Variants in TMEM245 observed in about 807,000 individuals in gnomAD.
TMEM245 encodes the protein protein CG-2.
TMEM245 carries 69 observed loss-of-function variants against 101.2 expected under a neutral mutation model. The observed-to-expected ratio is 0.68, with a 90% CI of 0.56 to 0.83. The LOEUF (loss-of-function observed/expected upper bound fraction) is 0.83, where lower values mean the gene tolerates loss of function less well. Among genes scored for constraint, TMEM245 ranks in the 40% least tolerant of loss-of-function variants. The probability of loss-of-function intolerance (pLI) is 0.00; values close to 1 mark genes in which losing one functional copy is unlikely to be tolerated. For synonymous variants in TMEM245, 537 were observed against 449.8 expected (o/e 1.19, Z -2.45); for missense variants, 1,075 against 1,092.8 (o/e 0.98, Z 0.23).
chr9:109,031,675 G>A (rs917027981), intron 17 of TMEM245, among the ~76,000 whole-genome samples: 1 of 152,150 alleles, frequency 6.6e-6, no homozygotes, highest in African/African-American at 2.4e-5. Context: ...CTTGATATGA[G>A]TAGTGGTTAC....
At chr9:109,062,333 G>A (rs1829041348) in intron 10 of TMEM245, among the ~76,000 whole-genome samples, 2 of 152,112 alleles carry the variant, frequency 1.3e-5, no homozygotes, top group South Asian at 4.1e-4. Context: ...CTATGCATTG[G>A]TAAACTGACT....
rs543890392 is a variant in TMEM245, at chr9:109,096,335, G to A, written c.800-2744C>T. ...CTACTAAAAACACAAAAATTAGCTG[G>A]GCATGGTGGCACACGCCTGTAATCC... On this transcript the variant is annotated intron_variant, in intron 3 of 17. Transcript: ENST00000374586. Among the ~76,000 whole-genome samples the A allele has an allele frequency of 2.1e-3, 317 of 152,234 alleles. 1 individual carries two copies. Among genetic ancestry groups the A allele is most frequent in the Middle Eastern group, 6.8e-3 (2 of 294 alleles).
At chr9:109,025,841 G>A (rs1303714638) in intron 17 of TMEM245, among the ~76,000 whole-genome samples, 1 of 152,222 alleles carries the variant, frequency 6.6e-6, no homozygotes, top group African/African-American at 2.4e-5. Context: ...CAAAATAGTT[G>A]GGAGCCCAAA....
intron 1 of TMEM245, among the ~76,000 whole-genome samples, chr9:109,108,801 CA>C (rs1588081394): frequency 6.6e-6 from 1 of 152,004 alleles, no homozygotes; most frequent in East Asian, 1.9e-4. Flanking sequence ...AGTTGTTTAA[CA>C]AAAGATACAT....
At chr9:109,044,795 T>A (rs1289031815) in intron 14 of TMEM245, among the ~76,000 whole-genome samples, 1 of 148,148 alleles carries the variant, frequency 6.8e-6, no homozygotes, top group Non-Finnish European at 1.5e-5. Flanking sequence ...AGAGTCTCAC[T>A]GTCGCCCAGG....
In TMEM245 at chr9:109,017,732, TCTGA is replaced by T. The variant is rs1827491720; in HGVS notation, c.*2724_*2727del. On this transcript the variant is annotated 3_prime_UTR_variant, in exon 18 of 18. Coordinates refer to ENST00000374586, the MANE Select transcript of TMEM245 (RefSeq NM_032012.4). Reference sequence around the variant, plus strand: ...GAAACTTCCTCTTTCTGGGTCAAATTCTGACTGAGAATGTAAAGGTAGGTTATCT... The same window carrying T: ...GAAACTTCCTCTTTCTGGGTCAAATTCTGAGAATGTAAAGGTAGGTTATCT... 1 of 152,240 alleles carries T rather than the reference TCTGA, an allele frequency of 6.6e-6. No individual in the cohort carries two copies. The highest frequency in any genetic ancestry group is 2.4e-5 in the African/African-American group (1 of 41,460). 9.4% of individuals were successfully genotyped at this position (152,240 alleles called of 1,614,324 possible).
chr9:109,025,727 T>C (rs1827772755), intron 17 of TMEM245, among the ~76,000 whole-genome samples: 1 of 147,814 alleles, frequency 6.8e-6, no homozygotes, highest in African/African-American at 2.5e-5. Context: ...TATGCATGAC[T>C]ACAGGGGTGT....
chr9:109,056,218 G>A (rs965304226), intron 12 of TMEM245, among the ~76,000 whole-genome samples: 2 of 152,154 alleles, frequency 1.3e-5, no homozygotes, highest in Non-Finnish European at 2.9e-5. Flanking sequence ...GAAATTGGGA[G>A]GCATACAGCA....
intron 3 of TMEM245, among the ~76,000 whole-genome samples, chr9:109,096,275 G>A (rs1830137408): frequency 6.6e-6 from 1 of 152,168 alleles, no homozygotes; most frequent in African/African-American, 2.4e-5. Context: ...CCAGGAGTTC[G>A]AGACCAGCAT....
intron 1 of TMEM245, among the ~76,000 whole-genome samples, chr9:109,118,793 G>A (rs1484588775): frequency 6.6e-6 from 1 of 152,226 alleles, no homozygotes; most frequent in South Asian, 2.1e-4. Context: ...GGCAGCACCA[G>A]CCAGTGAAGC....
chr9:109,047,007 C>T (rs1564177815), intron 14 of TMEM245, among the ~76,000 whole-genome samples: 1 of 151,332 alleles, frequency 6.6e-6, no homozygotes, highest in East Asian at 1.9e-4. Context: ...ACTTAAACTG[C>T]AAAAAAAACA....
chr9:109,016,658 G>GTTTTTTTTTTTTTTTT lies in TMEM245; in HGVS notation c.*3786_*3801dup, dbSNP rs60869717. 1 of 124,726 alleles carries GTTTTTTTTTTTTTTTT rather than the reference G, an allele frequency of 8.0e-6. No individual in the cohort carries two copies. Among genetic ancestry groups the GTTTTTTTTTTTTTTTT allele is most frequent in the Non-Finnish European group, 1.7e-5 (1 of 58,504 alleles). The allele number at this position is 124,726 out of a possible 1,614,324, so 7.7% of individuals were successfully genotyped here. On this transcript the variant is annotated 3_prime_UTR_variant, in exon 18 of 18. Transcript: ENST00000374586. ...AACAGTGGCTGCAGACAGCATGTGT[G>GTTTTTTTTTTTTTTTT]TTTTTTTTTTTTTTTTTTTTTGCAG...
At chr9:109,056,722 T>G (rs755639538) in intron 12 of TMEM245, among the ~76,000 whole-genome samples, 3 of 152,180 alleles carry the variant, frequency 2.0e-5, no homozygotes, top group Non-Finnish European at 4.4e-5. Flanking sequence ...TCTGTGAAAT[T>G]CTACATGCAA....
At chr9:109,073,281 T>C in intron 9 of TMEM245, 75 bp downstream of exon 9, 1 of 1,086,124 alleles carries the variant, frequency 9.2e-7, no homozygotes, top group Non-Finnish European at 1.4e-6. Flanking sequence ...GCTGCATCAA[T>C]GAAGGTCATT....
intron 7 of TMEM245, among the ~76,000 whole-genome samples, chr9:109,084,023 G>C (rs1294579456): frequency 6.7e-6 from 1 of 148,966 alleles, no homozygotes; most frequent in Non-Finnish European, 1.5e-5. Context: ...GTTGTGTAGT[G>C]AGTCAAGATC....
rs764761846 is a variant in TMEM245 at position 109,080,860 on chromosome 9, TA to T, written c.1427del (p.Leu476Ter). ...IFLLVIGTLLLALLLTAKVHQ... is the reference protein window; with the variant it reads ...IFLLVIGTLLXALLLTAKVHQ... ...CTACCTTTGCAGTCAGGAGTAGGGC[TA>T]AAAGAAGAGTTCCTATCACTAACAA... On this transcript the variant is annotated frameshift_variant, in exon 8 of 18. Coordinates refer to ENST00000374586, the MANE Select transcript of TMEM245 (RefSeq NM_032012.4). LOFTEE classifies it high-confidence loss of function. 8.7e-6 allele frequency: 14 copies of T among 1,602,120 alleles called. No homozygotes were observed. Among genetic ancestry groups the T allele is most frequent in the Non-Finnish European group, 1.2e-5 (14 of 1,169,900 alleles).
chr9:109,079,077 A>G (rs1427260601), intron 8 of TMEM245, among the ~76,000 whole-genome samples: 1 of 152,152 alleles, frequency 6.6e-6, no homozygotes, highest in Non-Finnish European at 1.5e-5. Context: ...CAAGAATGTC[A>G]CCTGTTTTTA....
chr9:109,050,857 A>G (rs972833144), intron 12 of TMEM245, among the ~76,000 whole-genome samples, 165 bp from the exon 13 acceptor site: 3 of 151,656 alleles, frequency 2.0e-5, no homozygotes, highest in Non-Finnish European at 2.9e-5. Context: ...AATCAACCAA[A>G]AACAGTTGTA....
At chr9:109,078,655 C>G (rs1056749928) in intron 8 of TMEM245, among the ~76,000 whole-genome samples, 6 of 152,174 alleles carry the variant, frequency 3.9e-5, no homozygotes, top group African/African-American at 1.4e-4. Context: ...TTTTCTCTTG[C>G]TTCCTTCCAG....
Sources: gnomAD v4.1 joint callset for allele counts (sites outside exome capture counted in the v4.1 genomes callset) on GRCh38, gnomAD v4.1.1 for gene constraint, MANE v1.5 for transcripts, NCBI Gene and HGNC (gene_info 2026-07-23, HGNC 2026-07-21) for gene names.